The following TBC1D4 variants were observed in gnomAD, a reference collection of about 807,000 sequenced individuals.
TBC1D4 encodes the protein TBC1 domain family member 4, also known as TBC (Tre-2, BUB2, CDC16) domain-containing protein.
TBC1D4 carries 121 observed loss-of-function variants against 142.5 expected under a neutral mutation model. The observed-to-expected ratio is 0.85, with a 90% CI of 0.73 to 0.99. TBC1D4 has a LOEUF of 0.99. Among genes scored for constraint, TBC1D4 ranks in the 50% least tolerant of loss-of-function variants. TBC1D4 has a pLI of 0.00. For synonymous variants in TBC1D4, 630 were observed against 628.2 expected, an observed-to-expected ratio of 1.00 and a Z score of -0.04; for missense variants, 1,475 against 1,606.6, an observed-to-expected ratio of 0.92 and a Z score of 1.40.
intron 12 of TBC1D4, among the ~76,000 whole-genome samples, chr13:75,317,164 A>T (rs1283001665): frequency 1.3e-5 from 2 of 152,286 alleles, no homozygotes; most frequent in South Asian, 4.1e-4. Context: ...AGAATCCAGC[A>T]TTAGGCACTG....
intron 12 of TBC1D4, among the ~76,000 whole-genome samples, chr13:75,313,292 T>C (rs1877966967): frequency 6.6e-6 from 1 of 152,210 alleles, no homozygotes; most frequent in Non-Finnish European, 1.5e-5. Flanking sequence ...ACAAAGAGCT[T>C]TTGTTAGAGC....
intron 16 of TBC1D4, among the ~76,000 whole-genome samples, chr13:75,299,879 C>A (rs1287330676): frequency 6.8e-6 from 1 of 148,112 alleles, no homozygotes; most frequent in African/African-American, 2.5e-5. Context: ...CAATGATGTA[C>A]CCAGGAGAAA....
chr13:75,321,447 A>G lies in TBC1D4; in HGVS notation c.2199-1410T>C. On this transcript the variant is annotated intron_variant, in intron 11 of 20. Coordinates refer to ENST00000377636, the MANE Select transcript of TBC1D4 (RefSeq NM_014832.5). The stretch of plus-strand genomic sequence containing the variant: ...TATAGCGGTGCATATATATGTATAT[A>G]TATATGTAAATGGACCAAAAATTAT... Among the ~76,000 whole-genome samples the G allele has an allele frequency of 2.0e-5, 3 of 152,184 alleles. No homozygotes were observed. The South Asian group carries it at 6.2e-4, about 32-fold the overall frequency.
intron 1 of TBC1D4, among the ~76,000 whole-genome samples, chr13:75,476,230 G>A (rs775784978): frequency 3.9e-5 from 6 of 152,034 alleles, no homozygotes; most frequent in Non-Finnish European, 7.4e-5. Context: ...GCGACAGTGC[G>A]AGACTCCACC....
At chr13:75,333,626 A>T (rs965922007) in intron 8 of TBC1D4, among the ~76,000 whole-genome samples, 1 of 152,222 alleles carries the variant, frequency 6.6e-6, no homozygotes, top group African/African-American at 2.4e-5. Context: ...AAAAAAGGAC[A>T]TTCTCCAATA....
chr13:75,377,296 G>A (rs1221604354), intron 1 of TBC1D4: 1 of 152,170 alleles, frequency 6.6e-6, no homozygotes, highest in Non-Finnish European at 1.5e-5. Context: ...ATGACAGCTA[G>A]GGCCATCTGC....
At chr13:75,406,222 C>G (rs576982686) in intron 1 of TBC1D4, among the ~76,000 whole-genome samples, 18 of 152,288 alleles carry the variant, frequency 1.2e-4, no homozygotes, top group Non-Finnish European at 2.2e-4. Context: ...GAGAAGCCAA[C>G]CCAGAAGGAA....
intron 17 of TBC1D4, 135 bp from the exon 18 acceptor site, chr13:75,295,148 T>C (rs1875775158): frequency 1.1e-6 from 1 of 870,342 alleles, no homozygotes; most frequent in Admixed American, 2.8e-5. Context: ...TTTTTATGAT[T>C]TTAAAGTTGA....
rs1203448712 is a variant in TBC1D4, at chr13:75,457,089, T to A, written c.498+24181A>T. 5.3e-5 allele frequency among the ~76,000 whole-genome samples: 8 copies of A among 152,078 alleles called. No homozygotes were observed. In the East Asian group the frequency reaches 1.5e-3, roughly 29 times the overall value. On this transcript the variant is annotated intron_variant, in intron 1 of 20. Transcript: ENST00000377636. ...TTCAGGCACAAGCAAAAGTCATCTA[T>A]GATGACAGAAATCAGGATAATGATT...
At chr13:75,312,180 T>C (rs1291435032) in intron 13 of TBC1D4, among the ~76,000 whole-genome samples, 1 of 152,140 alleles carries the variant, frequency 6.6e-6, no homozygotes, top group Admixed American at 6.5e-5. Context: ...CTGTGCTCTC[T>C]TTTGCTCAGT....
chr13:75,343,190 A>C (rs1880854686), intron 5 of TBC1D4, among the ~76,000 whole-genome samples: 1 of 152,272 alleles, frequency 6.6e-6, no homozygotes, highest in African/African-American at 2.4e-5. Flanking sequence ...GCTACTTTTT[A>C]AAATTAAATA....
At chr13:75,402,654 AACACACACACACACACACAC>A (rs56176942) in intron 1 of TBC1D4, among the ~76,000 whole-genome samples, 1 of 142,364 alleles carries the variant, frequency 7.0e-6, no homozygotes, top group Admixed American at 7.0e-5. Context: ...ATCCCTAGTA[AACACACACACACACACACAC>A]ACACACACAC....
At chr13:75,305,113 C>T (rs1566358156) in intron 15 of TBC1D4, among the ~76,000 whole-genome samples, 2 of 152,156 alleles carry the variant, frequency 1.3e-5, no homozygotes, top group South Asian at 2.1e-4. Flanking sequence ...AATCTGATGG[C>T]TTGTTAAGGA....
rs1874985087 is a variant in TBC1D4, at chr13:75,289,058, T to C, written c.3539A>G (p.His1180Arg). The C allele has an allele frequency of 1.2e-6, 2 of 1,613,816 alleles. No individual in the cohort carries two copies. The highest frequency in any genetic ancestry group is 3.3e-5 in the Admixed American group (2 of 59,964). The part of the protein sequence containing the change: ...KQLHAYEVEY[H>R]VLQDELQESS... ...TTCCTGAAGCTCATCCTGTAGCACATGATATTCCACCTCATAGGCATGCAA... is the reference window on the plus strand; with the variant it reads ...TTCCTGAAGCTCATCCTGTAGCACACGATATTCCACCTCATAGGCATGCAA... The change falls in exon 20 of 21, where the codon CAT (histidine) becomes CGT (arginine). Residue 1180 changes from histidine (H) to arginine (R), a missense_variant. Transcript: ENST00000377636.
At chr13:75,384,215 C>T (rs1013138624) in intron 1 of TBC1D4, among the ~76,000 whole-genome samples, 5 of 152,140 alleles carry the variant, frequency 3.3e-5, no homozygotes, top group Admixed American at 6.5e-5. Flanking sequence ...GCGGGCAGAT[C>T]GCTTGAGATC....
chr13:75,287,183 C>CAAAGATGTAACTATGGAAA (rs1874774514), intron 20 of TBC1D4, among the ~76,000 whole-genome samples, 158 bp from the exon 21 acceptor site: 1 of 152,112 alleles, frequency 6.6e-6, no homozygotes, highest in South Asian at 2.1e-4. Flanking sequence ...TTAGGTTTCA[C>CAAAGATGTAACTATGGAAA]AAAGATGTAA....
At chr13:75,395,169 A>C (rs1231897719) in intron 1 of TBC1D4, among the ~76,000 whole-genome samples, 1 of 152,220 alleles carries the variant, frequency 6.6e-6, no homozygotes, top group Non-Finnish European at 1.5e-5. Flanking sequence ...GGACAAAGGT[A>C]CAAGTTACCT....
Position 75,306,248 on chromosome 13 carries a change from CA to C in TBC1D4, c.2752+64del, listed in dbSNP as rs33992075. The C allele has an allele frequency of 0.34, 431,436 of 1,263,440 alleles. 40,030 individuals carry two copies. The highest frequency in any genetic ancestry group is 0.4 in the Admixed American group (14,490 of 36,642). The allele number at this position is 1,263,440 out of a possible 1,614,324, so 78.3% of individuals were successfully genotyped here. ...CAAAATCTGAGCTCCACAAATCAAA[CA>C]AAAAAAAAAAATCCCCCAGGCTTTT... On this transcript the variant is annotated intron_variant, in intron 15 of 20. Transcript: ENST00000377636.
At chr13:75,423,382 A>G (rs74096278) in intron 1 of TBC1D4, among the ~76,000 whole-genome samples, 3,394 of 152,280 alleles carry the variant, frequency 0.022, 128 homozygotes, top group African/African-American at 0.077. Context: ...TTCCAGCACT[A>G]AAGTTATAAG....
Sources: gnomAD v4.1 joint callset for allele counts (sites outside exome capture counted in the v4.1 genomes callset) on GRCh38, gnomAD v4.1.1 for gene constraint, MANE v1.5 for transcripts, NCBI Gene and HGNC (gene_info 2026-07-23, HGNC 2026-07-21) for gene names.